Variants in DISP3 observed in about 807,000 individuals in gnomAD.
The protein encoded by DISP3 is dispatched RND transporter family member 3, also known as protein dispatched homolog 3.
In DISP3, 101 loss-of-function variants were observed where a neutral mutation model predicts 135.3. The ratio of observed to expected loss-of-function variants is 0.75; its 90% CI spans 0.64 to 0.88. DISP3 has a LOEUF of 0.88. Ranked by LOEUF, DISP3 falls within the 40% of genes least tolerant of loss-of-function variation. The pLI is 0.00. For missense variants in DISP3, 1,713 were observed against 1,878.6 expected (o/e 0.91, Z 1.63); for synonymous variants, 856 against 817.0 (o/e 1.05, Z -0.81).
rs373469957 is a variant in DISP3, at chr1:11,536,352, C to T, written c.3845C>T (p.Thr1282Met). The change falls in exon 21 of 21, where the codon ACG becomes ATG. Residue 1282 changes from threonine (T) to methionine (M), a missense_variant. Transcript: ENST00000294484. This position sits in a 1 kb window ranked among gnomAD's most constrained non-coding sequence, Gnocchi z 4.3. Reference protein sequence around the residue: ...EDARTQRQWRTLEAVRHVGVA... With the variant: ...EDARTQRQWRMLEAVRHVGVA... The stretch of plus-strand genomic sequence containing the variant: ...GCCCGAACGCAGCGCCAGTGGCGTA[C>T]GCTGGAGGCCGTGCGGCACGTGGGC... 3.2e-5 allele frequency: 52 copies of T among 1,604,726 alleles called. No individual in the cohort carries two copies. Among genetic ancestry groups the T allele is most frequent in the South Asian group, 2.9e-4 (26 of 91,058 alleles).
At chr1:11,533,846 C>A (rs891580959) in intron 17 of DISP3, 1 of 717,646 alleles carries the variant, frequency 1.4e-6, no homozygotes, top group Non-Finnish European at 2.6e-6. Context: ...CTATTTCTCT[C>A]ATTCATCATC....
intron 1 of DISP3, among the ~76,000 whole-genome samples, chr1:11,482,297 G>T (rs1185516612): frequency 1.3e-5 from 2 of 152,148 alleles, no homozygotes; most frequent in African/African-American, 4.8e-5. Context: ...AGTGAGTAGG[G>T]GCTTTGCAAT....
chr1:11,519,968 GC>G lies in DISP3; in HGVS notation c.2200+92del. The G allele has an allele frequency of 7.3e-7, 1 of 1,368,686 alleles. No individual in the cohort carries two copies. The highest frequency in any genetic ancestry group is 1.0e-6 in the Non-Finnish European group (1 of 1,001,942). The allele number at this position is 1,368,686 out of a possible 1,614,324, so 84.8% of individuals were successfully genotyped here. Reference sequence around the variant, plus strand: ...TGGGAGCCCACCCCCTCTCGCAGATGCCCCAGGGTCAGAGGCCTGGGCTGGG... The same window carrying G: ...TGGGAGCCCACCCCCTCTCGCAGATGCCCAGGGTCAGAGGCCTGGGCTGGG... On this transcript the variant is annotated intron_variant, in intron 9 of 20. Coordinates refer to ENST00000294484, the MANE Select transcript of DISP3 (RefSeq NM_020780.2). This position sits in a 1 kb window ranked among gnomAD's most constrained non-coding sequence, Gnocchi z 4.3.
chr1:11,515,794 T>C (rs1369640439), intron 5 of DISP3, among the ~76,000 whole-genome samples: 1 of 147,934 alleles, frequency 6.8e-6, no homozygotes, highest in Non-Finnish European at 1.5e-5. Context: ...CTGGGTGAGG[T>C]TGGGGCCAAG....
At chr1:11,509,058 T>G (rs1475865972) in intron 3 of DISP3, among the ~76,000 whole-genome samples, 2 of 152,220 alleles carry the variant, frequency 1.3e-5, no homozygotes, top group Non-Finnish European at 2.9e-5. Context: ...TCCCCTTAAG[T>G]ATGACTATTT....
intron 13 of DISP3, among the ~76,000 whole-genome samples, 172 bp downstream of exon 13, chr1:11,527,007 T>C (rs1642440584): frequency 6.6e-6 from 1 of 151,820 alleles, no homozygotes; most frequent in Non-Finnish European, 1.5e-5. Context: ...CTTGGCTCAC[T>C]GTAACCTCTG....
In DISP3 at chr1:11,499,404, G is replaced by A. The variant is rs1641436512; in HGVS notation, c.-3-1586G>A. On this transcript the variant is annotated intron_variant, in intron 1 of 20. Transcript: ENST00000294484. The surrounding 1 kb of genome is among the most constrained non-coding windows in gnomAD (Gnocchi z 5.2). ...ACACTCACCTCCACATGCAGACTTG[G>A]TTTTTCCCTTTGGAGATGGGGTGAG... Among the ~76,000 whole-genome samples, 1 of 152,142 alleles carries A rather than the reference G, an allele frequency of 6.6e-6. No homozygotes were observed. Among genetic ancestry groups the A allele is most frequent in the South Asian group, 2.1e-4 (1 of 4,830 alleles).
chr1:11,532,177 A>G (rs1642592517), intron 17 of DISP3, among the ~76,000 whole-genome samples: 1 of 152,192 alleles, frequency 6.6e-6, no homozygotes, highest in African/African-American at 2.4e-5. Flanking sequence ...CCAAGGAGGC[A>G]TAGGCACACA....
intron 1 of DISP3, among the ~76,000 whole-genome samples, chr1:11,492,884 G>A (rs912323597): frequency 4.6e-5 from 7 of 152,122 alleles, no homozygotes; most frequent in South Asian, 2.1e-4. Flanking sequence ...CTCTGTTGCC[G>A]TGTTCATTTG....
intron 5 of DISP3, 38 bp from the exon 6 acceptor site, chr1:11,515,963 G>A: frequency 6.2e-7 from 1 of 1,606,660 alleles, no homozygotes. Flanking sequence ...GGAGACAGCA[G>A]AATAATCCTG....
chr1:11,519,577 T>A lies in DISP3; in HGVS notation c.2038+74T>A. 1.3e-6 allele frequency: 2 copies of A among 1,585,612 alleles called. No homozygotes were observed. Among genetic ancestry groups the A allele is most frequent in the Non-Finnish European group, 1.7e-6 (2 of 1,163,726 alleles). On this transcript the variant is annotated intron_variant, in intron 8 of 20. Transcript: ENST00000294484. The surrounding 1 kb of genome is among the most constrained non-coding windows in gnomAD (Gnocchi z 4.3). ...CTGCCTCTGCCAGGGGAGTAACACT[T>A]GACAAGTTGGTCCTGAGGCTGGGGG...
At chr1:11,495,287 AG>A (rs1036670972) in intron 1 of DISP3, among the ~76,000 whole-genome samples, 1 of 152,214 alleles carries the variant, frequency 6.6e-6, no homozygotes, top group Non-Finnish European at 1.5e-5. Context: ...GCTACTCAGG[AG>A]GCTGAGGCAC....
intron 17 of DISP3, 79 bp from the exon 18 acceptor site, chr1:11,534,302 G>A (rs1239221589): frequency 2.6e-6 from 4 of 1,553,924 alleles, no homozygotes; most frequent in Non-Finnish European, 3.6e-6. Context: ...GGTGGCCGCA[G>A]AACAGACCAG....
chr1:11,513,450 G>T (rs1343826630), intron 3 of DISP3, among the ~76,000 whole-genome samples: 1 of 152,174 alleles, frequency 6.6e-6, no homozygotes, highest in African/African-American at 2.4e-5. Context: ...TGTCTGCAAA[G>T]GATGTTGATC....
rs776046084 is a variant in DISP3 at position 11,517,471 on chromosome 1, C to T, written c.1758C>T (p.Ala586=). 52 of 1,614,132 alleles carry T rather than the reference C, an allele frequency of 3.2e-5. No individual in the cohort carries two copies. The highest frequency in any genetic ancestry group is 4.3e-5 in the Non-Finnish European group (51 of 1,179,940). ...YAANVFSQIP[A]VHDFGLFMSL... is the part of the protein sequence containing the mutation. ...TTCCTTTCCATCACCAGATCCCAGC[C>T]GTCCACGACTTTGGCCTGTTCATGT... is the stretch of plus-strand genomic sequence containing the variant. The change falls in exon 7 of 21, where the codon GCC becomes GCT. Residue 586 remains alanine (A), a synonymous_variant. Coordinates refer to ENST00000294484, the MANE Select transcript of DISP3 (RefSeq NM_020780.2).
intron 1 of DISP3, among the ~76,000 whole-genome samples, chr1:11,493,286 C>T (rs1368087394): frequency 2.0e-5 from 3 of 152,198 alleles, no homozygotes; most frequent in Non-Finnish European, 2.9e-5. Context: ...AGTCCAAAGG[C>T]CAGAAAAGAC....
chr1:11,518,324 AGGAG>A (rs1557611023), intron 7 of DISP3, among the ~76,000 whole-genome samples: 30 of 152,314 alleles, frequency 2.0e-4, no homozygotes, highest in African/African-American at 6.3e-4. Flanking sequence ...GGGCCCAGCG[AGGAG>A]CTTAGACTTG....
At chr1:11,512,833 C>A (rs1044163112) in intron 3 of DISP3, among the ~76,000 whole-genome samples, 1 of 152,130 alleles carries the variant, frequency 6.6e-6, no homozygotes, top group African/African-American at 2.4e-5. Flanking sequence ...CTTACAGTTC[C>A]GCATGGCTGG....
chr1:11,491,109 G>A lies in DISP3; in HGVS notation c.-3-9881G>A, dbSNP rs1339365004. On this transcript the variant is annotated intron_variant, in intron 1 of 20. Transcript: ENST00000294484. The surrounding 1 kb of genome is among the most constrained non-coding windows in gnomAD (Gnocchi z 4.3). Reference sequence around the variant, plus strand: ...AAGACACCCTGAGGAGTGAGCCTTGGCTAGAGATACAGCAGCCTGAGTCCA... The same window carrying A: ...AAGACACCCTGAGGAGTGAGCCTTGACTAGAGATACAGCAGCCTGAGTCCA... Among the ~76,000 whole-genome samples the A allele has an allele frequency of 1.3e-5, 2 of 152,188 alleles. No homozygotes were observed. Among genetic ancestry groups the A allele is most frequent in the Admixed American group, 1.3e-4 (2 of 15,286 alleles).
Sources: gnomAD v4.1 joint callset for allele counts (sites outside exome capture counted in the v4.1 genomes callset) on GRCh38, gnomAD v4.1.1 for gene constraint, Gnocchi (gnomAD v3.1) non-coding constraint, MANE v1.5 for transcripts, NCBI Gene and HGNC (gene_info 2026-07-23, HGNC 2026-07-21) for gene names.